AGBL1: variants seen among roughly 807,000 people sequenced by gnomAD.
AGBL1 encodes the protein AGBL carboxypeptidase 1.
Under a neutral mutation model 118.9 loss-of-function variants are expected in AGBL1, and 130 were observed. That is an observed-to-expected ratio of 1.09 (90% CI 0.95 to 1.26). The LOEUF is 1.26. Ranked by LOEUF, AGBL1 falls within the 50% of genes most tolerant of loss-of-function variation. AGBL1 has a pLI of 0.00. For missense variants in AGBL1, 1,584 were observed against 1,298.1 expected, an observed-to-expected ratio of 1.22 and a Z score of -3.38; for synonymous variants, 555 against 478.9, an observed-to-expected ratio of 1.16 and a Z score of -2.08.
intron 18 of AGBL1, among the ~76,000 whole-genome samples, chr15:86,465,547 A>T (rs1374937290): frequency 6.6e-6 from 1 of 152,190 alleles, no homozygotes; most frequent in East Asian, 1.9e-4. Flanking sequence ...ATATTGCAGA[A>T]TTCTTTTCTC....
intron 17 of AGBL1, among the ~76,000 whole-genome samples, chr15:86,333,630 C>T (rs55886027): frequency 0.78 from 118,163 of 152,164 alleles, 46,659 homozygotes; most frequent in African/African-American, 0.85. Flanking sequence ...CTCAATTCTA[C>T]TGAAACTATT....
intron 22 of AGBL1, among the ~76,000 whole-genome samples, chr15:86,744,158 G>A (rs1457442024): frequency 6.6e-6 from 1 of 152,040 alleles, no homozygotes; most frequent in Admixed American, 6.6e-5. Flanking sequence ...CATTTCCAAT[G>A]ACTAACGGTT....
chr15:86,633,411 G>A (rs1411620989), intron 21 of AGBL1, among the ~76,000 whole-genome samples: 1 of 152,208 alleles, frequency 6.6e-6, no homozygotes, highest in South Asian at 2.1e-4. Flanking sequence ...ACCTGTTTAT[G>A]AAATGATATA....
At chr15:86,673,606 C>G (rs1015886457) in intron 21 of AGBL1, among the ~76,000 whole-genome samples, 1 of 152,108 alleles carries the variant, frequency 6.6e-6, no homozygotes, top group African/African-American at 2.4e-5. Flanking sequence ...TAAGGATCCG[C>G]TGAGTTAATG....
chr15:87,008,478 C>A (rs1319514897), intron 24 of AGBL1, among the ~76,000 whole-genome samples: 2 of 152,138 alleles, frequency 1.3e-5, no homozygotes, highest in Non-Finnish European at 2.9e-5. Context: ...ACCTCTTTTT[C>A]TTTCCAGTCT....
chr15:86,737,624 C>G (rs2077620730), intron 22 of AGBL1, among the ~76,000 whole-genome samples: 1 of 152,054 alleles, frequency 6.6e-6, no homozygotes, highest in African/African-American at 2.4e-5. Context: ...GGGTATGTTT[C>G]AGGGAGAATG....
downstream of AGBL1, among the ~76,000 whole-genome samples, chr15:86,917,770 G>C (rs1338296905): frequency 2.8e-5 from 3 of 106,250 alleles, no homozygotes; most frequent in Non-Finnish European, 6.8e-5. This position sits in a 1 kb window ranked among gnomAD's most constrained non-coding sequence, Gnocchi z 4.8. Context: ...GGTGTGCACT[G>C]GGAGAGAAGG....
intron 22 of AGBL1, among the ~76,000 whole-genome samples, chr15:86,830,225 A>G (rs1270724446): frequency 2.6e-5 from 4 of 152,186 alleles, no homozygotes; most frequent in African/African-American, 4.8e-5. Flanking sequence ...ATACCCATGC[A>G]ATCACCATCC....
At chr15:86,381,861 A>T (rs1436420482) in intron 17 of AGBL1, among the ~76,000 whole-genome samples, 1 of 152,162 alleles carries the variant, frequency 6.6e-6, no homozygotes, top group African/African-American at 2.4e-5. Flanking sequence ...ACATCTCCCC[A>T]TTGGGAAGGC....
chr15:86,989,674 A>G (rs987214525), intron 24 of AGBL1, among the ~76,000 whole-genome samples: 2 of 152,234 alleles, frequency 1.3e-5, no homozygotes, highest in Non-Finnish European at 2.9e-5. Flanking sequence ...TTTTAAAACT[A>G]AGCAAATAAA....
intron 21 of AGBL1, among the ~76,000 whole-genome samples, chr15:86,661,809 G>A (rs1026194146): frequency 1.4e-4 from 21 of 152,224 alleles, no homozygotes; most frequent in African/African-American, 2.2e-4. Flanking sequence ...AGTCACTCTC[G>A]TCGCTCTGAG....
intron 23 of AGBL1, among the ~76,000 whole-genome samples, chr15:86,949,816 T>C (rs1427144213): frequency 6.6e-6 from 1 of 152,116 alleles, no homozygotes; most frequent in Non-Finnish European, 1.5e-5. Flanking sequence ...TGAACACATA[T>C]AGAACCTCAC....
chr15:86,305,354 A>G (rs2079821294), intron 17 of AGBL1, among the ~76,000 whole-genome samples: 1 of 152,214 alleles, frequency 6.6e-6, no homozygotes, highest in South Asian at 2.1e-4. Context: ...CAAGATAGTG[A>G]TTCCATCTGA....
At chr15:86,683,732 C>A (rs147099588) in intron 22 of AGBL1, among the ~76,000 whole-genome samples, 2 of 152,298 alleles carry the variant, frequency 1.3e-5, no homozygotes, top group African/African-American at 4.8e-5. Context: ...CTCTCTATAG[C>A]AACTGCAGCC....
intron 19 of AGBL1, among the ~76,000 whole-genome samples, chr15:86,530,546 T>TC (rs1295531086): frequency 7.4e-6 from 1 of 134,502 alleles, no homozygotes; most frequent in Non-Finnish European, 1.6e-5. Context: ...ATTAGACAGA[T>TC]CAATGAGACA....
At chr15:86,110,919 G>A (rs1354724074) in intron 1 of AGBL1, among the ~76,000 whole-genome samples, 4 of 152,154 alleles carry the variant, frequency 2.6e-5, no homozygotes, top group Non-Finnish European at 4.4e-5. Flanking sequence ...CAAATCCCGA[G>A]TTTTCCCAAT....
At chr15:86,236,125 A>G (rs1467457388) in intron 6 of AGBL1, among the ~76,000 whole-genome samples, 1 of 152,184 alleles carries the variant, frequency 6.6e-6, no homozygotes, top group African/African-American at 2.4e-5. Flanking sequence ...TTTATTTTCA[A>G]ATGAAATCCT....
intron 3 of AGBL1, among the ~76,000 whole-genome samples, chr15:86,148,619 G>A (rs1377206243): frequency 6.6e-6 from 1 of 152,074 alleles, no homozygotes; most frequent in Non-Finnish European, 1.5e-5. Flanking sequence ...AAGAAATATG[G>A]GACTATGTGA....
At chr15:86,606,126 C>CAAAAAAAAAAAAA (rs10675845) in intron 21 of AGBL1, among the ~76,000 whole-genome samples, 1,224 of 96,340 alleles carry the variant, frequency 0.013, 51 homozygotes, top group African/African-American at 0.045. Context: ...GACTCCATCT[C>CAAAAAAAAAAAAA]AAAAAAAAAA....
Sources: gnomAD v4.1 joint callset for allele counts (sites outside exome capture counted in the v4.1 genomes callset) on GRCh38, gnomAD v4.1.1 for gene constraint, Gnocchi (gnomAD v3.1) non-coding constraint, MANE v1.5 for transcripts, NCBI Gene and HGNC (gene_info 2026-07-23, HGNC 2026-07-21) for gene names.